DPYSL3: variants seen among roughly 807,000 people sequenced by gnomAD.
DPYSL3 encodes the protein dihydropyrimidinase like 3.
DPYSL3 carries 16 observed loss-of-function variants against 66.1 expected under a neutral mutation model. The ratio of observed to expected loss-of-function variants is 0.24; its 90% confidence interval spans 0.16 to 0.37. DPYSL3 has a LOEUF of 0.37. Among genes scored for constraint, DPYSL3 ranks in the 10% least tolerant of loss-of-function variants. The probability of loss-of-function intolerance (pLI) is 1.00; values close to 1 mark genes in which losing one functional copy is unlikely to be tolerated. For synonymous variants in DPYSL3, 338 were observed against 345.1 expected (o/e 0.98, Z 0.23); for missense variants, 738 against 916.2 (o/e 0.81, Z 2.51).
At chr5:147,400,569 C>G (rs1758140673) in intron 10 of DPYSL3, 123 bp downstream of exon 10, 1 of 1,337,038 alleles carries the variant, frequency 7.5e-7, no homozygotes, top group Non-Finnish European at 1.0e-6. Context: ...CCAGAGACAT[C>G]TCAGCAAGTA....
chr5:147,407,066 C>T (rs1164666561), intron 7 of DPYSL3, among the ~76,000 whole-genome samples: 2 of 152,168 alleles, frequency 1.3e-5, no homozygotes, highest in Non-Finnish European at 2.9e-5. Context: ...GCTCTCTGAA[C>T]AGCATCACTT....
intron 2 of DPYSL3, 71 bp downstream of exon 2, chr5:147,424,804 C>T (rs1752165023): frequency 8.3e-7 from 1 of 1,210,276 alleles, no homozygotes; most frequent in Non-Finnish European, 1.2e-6. Context: ...TCATGTAATC[C>T]AACCTCCTTT....
intron 1 of DPYSL3, among the ~76,000 whole-genome samples, chr5:147,445,105 C>G (rs773946820): frequency 3.9e-5 from 6 of 152,156 alleles, no homozygotes; most frequent in Non-Finnish European, 4.4e-5. Context: ...TTAATTCTTT[C>G]AAATCATTTG....
intron 9 of DPYSL3, 57 bp downstream of exon 9, chr5:147,401,483 G>C: frequency 1.3e-6 from 2 of 1,534,124 alleles, no homozygotes; most frequent in East Asian, 2.3e-5. Context: ...TCAACCCCCA[G>C]CTGGACTCAA....
At chr5:147,491,053 AT>A (rs1753408464) in intron 1 of DPYSL3, among the ~76,000 whole-genome samples, 2 of 152,196 alleles carry the variant, frequency 1.3e-5, no homozygotes, top group African/African-American at 4.8e-5. Context: ...TGAAGAAACT[AT>A]TTTATTAGAG....
intron 1 of DPYSL3, among the ~76,000 whole-genome samples, chr5:147,430,319 A>C (rs1752285417): frequency 6.6e-6 from 1 of 151,960 alleles, no homozygotes; most frequent in Non-Finnish European, 1.5e-5. Flanking sequence ...AACATGGTGA[A>C]ACCCTGTATC....
At chr5:147,430,130 G>A (rs1374442651) in intron 1 of DPYSL3, among the ~76,000 whole-genome samples, 1 of 151,942 alleles carries the variant, frequency 6.6e-6, no homozygotes, top group African/African-American at 2.4e-5. Flanking sequence ...GAAGTAAAAA[G>A]AGAGAGAGAA....
chr5:147,498,149 CA>C (rs1308772968), intron 1 of DPYSL3, among the ~76,000 whole-genome samples: 3 of 152,088 alleles, frequency 2.0e-5, no homozygotes, highest in African/African-American at 7.2e-5. Flanking sequence ...CATATGTTCT[CA>C]TCATTTAGCT....
chr5:147,417,190 C>T (rs1293337794), intron 3 of DPYSL3, among the ~76,000 whole-genome samples: 1 of 152,166 alleles, frequency 6.6e-6, no homozygotes, highest in Non-Finnish European at 1.5e-5. Flanking sequence ...AAGCATAATA[C>T]AAATCTCAAG....
At chr5:147,394,904 C>G (rs958145279) in intron 13 of DPYSL3, among the ~76,000 whole-genome samples, 1 of 152,126 alleles carries the variant, frequency 6.6e-6, no homozygotes, top group African/African-American at 2.4e-5. Context: ...TATCTTACTT[C>G]CTTCACATTT....
intron 2 of DPYSL3, among the ~76,000 whole-genome samples, chr5:147,420,717 T>C (rs1166675412): frequency 6.6e-6 from 1 of 152,244 alleles, no homozygotes; most frequent in African/African-American, 2.4e-5. Flanking sequence ...GATTGAATTA[T>C]GATCATTTAA....
chr5:147,448,284 T>C (rs1184196051), intron 1 of DPYSL3, among the ~76,000 whole-genome samples: 1 of 152,286 alleles, frequency 6.6e-6, no homozygotes, highest in East Asian at 1.9e-4. Context: ...GAAAATGCCC[T>C]CTATTCAGGT....
At chr5:147,405,571 T>G (rs1331526516) in intron 8 of DPYSL3, 39 bp downstream of exon 8, 1 of 1,590,776 alleles carries the variant, frequency 6.3e-7, no homozygotes, top group African/African-American at 1.3e-5. Context: ...AGCCACACAG[T>G]GCCATCAGGG....
chr5:147,498,335 T>C (rs1753553008), intron 1 of DPYSL3, among the ~76,000 whole-genome samples: 1 of 152,178 alleles, frequency 6.6e-6, no homozygotes, highest in Admixed American at 6.5e-5. Flanking sequence ...ATCCAGTCTA[T>C]CAGTGAAGGG....
chr5:147,425,983 A>G (rs1490625815), intron 1 of DPYSL3, among the ~76,000 whole-genome samples: 1 of 151,764 alleles, frequency 6.6e-6, no homozygotes, highest in African/African-American at 2.4e-5. Context: ...CAGCTTCACA[A>G]AGATATTTCA....
At chr5:147,501,773 C>G (rs915960418) in intron 1 of DPYSL3, among the ~76,000 whole-genome samples, 19 of 152,082 alleles carry the variant, frequency 1.2e-4, no homozygotes, top group African/African-American at 4.6e-4. Flanking sequence ...GCCACCACAT[C>G]CAGCCAATGA....
intron 1 of DPYSL3, among the ~76,000 whole-genome samples, chr5:147,502,978 T>A (rs916948234): frequency 5.9e-5 from 9 of 152,160 alleles, no homozygotes; most frequent in African/African-American, 1.9e-4. Flanking sequence ...CACCTCCACA[T>A]GCATATTTGT....
chr5:147,466,257 T>C (rs1034232961), intron 1 of DPYSL3, among the ~76,000 whole-genome samples: 173 of 152,208 alleles, frequency 1.1e-3, no homozygotes, highest in Non-Finnish European at 8.8e-5. Context: ...GCCTGGTTTA[T>C]GGTCATCTGA....
chr5:147,392,145 T>C lies in DPYSL3; in HGVS notation c.*1890A>G, dbSNP rs1757828128. The C allele has an allele frequency of 6.6e-6, 1 of 152,240 alleles. No homozygotes were observed. Among genetic ancestry groups the C allele is most frequent in the Non-Finnish European group, 1.5e-5 (1 of 68,044 alleles). 9.4% of individuals were successfully genotyped at this position (152,240 alleles called of 1,614,324 possible). On this transcript the variant is annotated 3_prime_UTR_variant, in exon 14 of 14. Transcript: ENST00000343218. ...ACTCTCTCTGCACATAAAACTGTTA[T>C]TCTTAGTTCTCTGAAAGACCCCCAC...
Sources: gnomAD v4.1 joint callset for allele counts (sites outside exome capture counted in the v4.1 genomes callset) on GRCh38, gnomAD v4.1.1 for gene constraint, MANE v1.5 for transcripts, NCBI Gene and HGNC (gene_info 2026-07-23, HGNC 2026-07-21) for gene names.